NAV2: variants seen among roughly 807,000 people sequenced by gnomAD.
NAV2 encodes the protein neuron navigator 2.
Under a neutral mutation model 223.2 loss-of-function variants are expected in NAV2, and 54 were observed. That is an observed-to-expected ratio of 0.24 (90% CI 0.19 to 0.30). The LOEUF (loss-of-function observed/expected upper bound fraction) is 0.30, where lower values mean the gene tolerates loss of function less well. Ranked by LOEUF, NAV2 falls within the 10% of genes least tolerant of loss-of-function variation. The pLI is 1.00. For missense variants in NAV2, 2,806 were observed against 3,147.5 expected (o/e 0.89, Z 2.60); for synonymous variants, 1,279 against 1,239.3 (o/e 1.03, Z -0.67).
chr11:19,847,209 G>A (rs998013730), intron 3 of NAV2, among the ~76,000 whole-genome samples: 7 of 152,196 alleles, frequency 4.6e-5, no homozygotes, highest in Non-Finnish European at 8.8e-5. Context: ...CTGTACTCAG[G>A]ACATTGGGGG....
intron 11 of NAV2, among the ~76,000 whole-genome samples, chr11:19,997,777 A>G (rs1673268569): frequency 6.6e-6 from 1 of 152,114 alleles, no homozygotes; most frequent in Non-Finnish European, 1.5e-5. Flanking sequence ...GCCGCTGTTG[A>G]CTAGTCGGTA....
chr11:20,022,554 C>G (rs2054597306), intron 11 of NAV2: 1 of 985,442 alleles, frequency 1.0e-6, no homozygotes, highest in Non-Finnish European at 1.2e-6. Context: ...TCTCTGTAGG[C>G]TAATCTTTTC....
chr11:20,101,079 C>T lies in NAV2; in HGVS notation c.6324C>T (p.Ala2108=), dbSNP rs112836512. The T allele has an allele frequency of 1.0e-4, 163 of 1,614,140 alleles. 1 individual carries two copies. The African/African-American group carries it at 1.3e-3, about 12-fold the overall frequency. The change falls in exon 32 of 38, where the codon GCC becomes GCT. Residue 2108 remains alanine, a synonymous_variant. Transcript: ENST00000349880. ...GPSGTGKTYL[A]NRLSEYIVLR... is the part of the protein sequence containing the mutation. ...GCGGCACTGGGAAAACCTACCTGGC[C>T]AACCGGCTGTCTGAGTATATAGTGC...
intron 3 of NAV2, among the ~76,000 whole-genome samples, chr11:19,848,986 A>G (rs985998752): frequency 6.6e-6 from 1 of 152,206 alleles, no homozygotes; most frequent in African/African-American, 2.4e-5. Flanking sequence ...TCTGTGAGAA[A>G]TGTGGAAGAG....
chr11:19,427,295 C>A (rs931950193), intron 1 of NAV2, among the ~76,000 whole-genome samples: 5 of 152,352 alleles, frequency 3.3e-5, no homozygotes, highest in Admixed American at 6.5e-5. Flanking sequence ...ATATAAAGCT[C>A]TATGCAGCTC....
At chr11:19,447,821 G>A (rs992541958) in intron 1 of NAV2, among the ~76,000 whole-genome samples, 34 of 152,110 alleles carry the variant, frequency 2.2e-4, no homozygotes, top group Admixed American at 2.0e-4. Flanking sequence ...TAGCCTTGAC[G>A]TTCCATCAGC....
At chr11:19,359,951 C>G (rs1350707191) in intron 1 of NAV2, among the ~76,000 whole-genome samples, 1 of 152,138 alleles carries the variant, frequency 6.6e-6, no homozygotes, top group East Asian at 1.9e-4. Flanking sequence ...CTCATTGCCC[C>G]CACCCACCAT....
intron 6 of NAV2, among the ~76,000 whole-genome samples, chr11:19,925,962 C>G (rs751378498): frequency 7.2e-5 from 11 of 152,126 alleles, no homozygotes; most frequent in Non-Finnish European, 1.0e-4. Context: ...TAGTACCACA[C>G]TTTTAAAAAA....
chr11:20,023,419 A>C (rs2054699529), intron 11 of NAV2, among the ~76,000 whole-genome samples: 1 of 152,170 alleles, frequency 6.6e-6, no homozygotes, highest in African/African-American at 2.4e-5. Context: ...CCACCTAGAC[A>C]TTTGGGTAAT....
chr11:20,051,098 G>A (rs1345684429), intron 16 of NAV2, among the ~76,000 whole-genome samples, 191 bp from the exon 17 acceptor site: 1 of 152,216 alleles, frequency 6.6e-6, no homozygotes, highest in Non-Finnish European at 1.5e-5. Flanking sequence ...TGTCAGCTCA[G>A]GCTGAGGATT....
In NAV2 at chr11:19,977,805, T is replaced by TC. The variant is rs57469142; in HGVS notation, c.2646-6320_2646-6319insC. Among the ~76,000 whole-genome samples the TC allele has an allele frequency of 8.5e-5, 12 of 141,760 alleles. 1 individual carries two copies. The highest frequency in any genetic ancestry group is 2.0e-4 in the East Asian group (1 of 5,062). 93.0% of individuals were successfully genotyped at this position (141,760 alleles called of 152,430 possible). A position where few individuals can be genotyped will look rare whatever the true frequency, so the allele number is the denominator to read the frequency against. ...AGAGAGGTCAACTTTTTTCTTTTTT[T>TC]TTTTTTTTTTTTTTTTGAGACAGGG... On this transcript the variant is annotated intron_variant, in intron 10 of 37. Coordinates refer to ENST00000349880, the MANE Select transcript of NAV2 (RefSeq NM_145117.5).
At chr11:19,684,341 C>T (rs556220386) in intron 1 of NAV2, among the ~76,000 whole-genome samples, 9 of 152,090 alleles carry the variant, frequency 5.9e-5, no homozygotes, top group Non-Finnish European at 1.2e-4. Context: ...ACTCATGTGT[C>T]AATGCCCAGC....
intron 1 of NAV2, among the ~76,000 whole-genome samples, chr11:19,629,333 G>A (rs1339000476): frequency 6.6e-6 from 1 of 151,910 alleles, no homozygotes; most frequent in Non-Finnish European, 1.5e-5. Flanking sequence ...GGACCAAAGG[G>A]GCCCATTAGG....
At position 20,119,945 on chromosome 11, in the gene NAV2, C is replaced by T. The variant is rs997998435; in HGVS notation, c.*1687C>T. 1.3e-5 allele frequency: 2 copies of T among 152,162 alleles called. No individual in the cohort carries two copies. The highest frequency in any genetic ancestry group is 4.8e-5 in the African/African-American group (2 of 41,430). 9.4% of individuals were successfully genotyped at this position (152,162 alleles called of 1,614,324 possible). The stretch of plus-strand genomic sequence containing the variant: ...ACAAGTCTACATGACCTTGCTGATA[C>T]TTGTTCTAATAGAAACCCAGTCTGC... On this transcript the variant is annotated 3_prime_UTR_variant, in exon 38 of 38. Coordinates refer to ENST00000349880, the MANE Select transcript of NAV2 (RefSeq NM_145117.5).
chr11:19,758,543 C>A (rs2054433974), intron 1 of NAV2, among the ~76,000 whole-genome samples: 2 of 152,262 alleles, frequency 1.3e-5, no homozygotes, highest in Middle Eastern at 3.4e-3. Flanking sequence ...GAATCCATCC[C>A]CACCAATGTA....
At chr11:19,459,074 C>T (rs1325066491) in intron 1 of NAV2, among the ~76,000 whole-genome samples, 1 of 152,176 alleles carries the variant, frequency 6.6e-6, no homozygotes, top group Non-Finnish European at 1.5e-5. Context: ...CTAGAAAATG[C>T]TAAAGGCAGG....
intron 9 of NAV2, 142 bp downstream of exon 9, chr11:19,946,651 C>T (rs2046961492): frequency 1.4e-6 from 1 of 723,190 alleles, no homozygotes; most frequent in South Asian, 1.8e-5. Flanking sequence ...CAAAGAATGC[C>T]ATATGACATG....
intron 5 of NAV2, among the ~76,000 whole-genome samples, chr11:19,883,018 C>G (rs114179032): frequency 2.6e-5 from 4 of 152,188 alleles, no homozygotes; most frequent in Middle Eastern, 3.2e-3. Context: ...ATCAGTGGCT[C>G]GGTCTCCAAA....
chr11:19,977,988 T>TA (rs2049941075), intron 10 of NAV2, among the ~76,000 whole-genome samples: 1 of 150,046 alleles, frequency 6.7e-6, no homozygotes, highest in South Asian at 2.1e-4. Context: ...TTTTTTTTGT[T>TA]TTTTTTGGTT....
Sources: gnomAD v4.1 joint callset for allele counts (sites outside exome capture counted in the v4.1 genomes callset) on GRCh38, gnomAD v4.1.1 for gene constraint, MANE v1.5 for transcripts, NCBI Gene and HGNC (gene_info 2026-07-23, HGNC 2026-07-21) for gene names.